Variants in FKBP5 observed in about 807,000 individuals in gnomAD.
The protein encoded by FKBP5 is peptidyl-prolyl cis-trans isomerase FKBP5.
In FKBP5, 23 loss-of-function variants were observed where a neutral mutation model predicts 50.5. The ratio of observed to expected loss-of-function variants is 0.46; its 90% CI spans 0.33 to 0.65. The LOEUF (loss-of-function observed/expected upper bound fraction) is 0.65. Among genes scored for constraint, FKBP5 ranks in the 30% least tolerant of loss-of-function variants. The pLI is 0.02. For missense variants in FKBP5, 411 were observed against 553.1 expected, an observed-to-expected ratio of 0.74 and a Z score of 2.58; for synonymous variants, 176 against 190.6, an observed-to-expected ratio of 0.92 and a Z score of 0.63.
intron 8 of FKBP5, chr6:35,581,618 A>AAAACC (rs1561842705): frequency 3.2e-6 from 3 of 935,880 alleles, no homozygotes; most frequent in Admixed American, 7.7e-5. Context: ...AAAACAAAAC[A>AAAACC]AAACCCCTCC....
At chr6:35,683,632 A>ATTTT (rs777451189) in intron 1 of FKBP5, among the ~76,000 whole-genome samples, 6 of 109,354 alleles carry the variant, frequency 5.5e-5, no homozygotes, top group Non-Finnish European at 9.4e-5. Flanking sequence ...TGACTGGCTA[A>ATTTT]TTTTTTTTTT....
chr6:35,638,734 G>A lies in FKBP5; in HGVS notation c.106-1576C>T, dbSNP rs1421409049. 2.0e-5 allele frequency among the ~76,000 whole-genome samples: 3 copies of A among 151,836 alleles called. No individual in the cohort carries two copies. The East Asian group carries it at 5.8e-4, about 29-fold the overall frequency. On this transcript the variant is annotated intron_variant, in intron 2 of 10. Coordinates refer to ENST00000357266, the MANE Select transcript of FKBP5 (RefSeq NM_004117.4). ...CACCCAGCCCCAAATATTCTTTAAAGGCAAAGAAACACTACTGCCCTTCTA... is the reference window on the plus strand; with the variant it reads ...CACCCAGCCCCAAATATTCTTTAAAAGCAAAGAAACACTACTGCCCTTCTA...
At chr6:35,670,662 G>C (rs1765360209) in intron 1 of FKBP5, among the ~76,000 whole-genome samples, 1 of 151,634 alleles carries the variant, frequency 6.6e-6, no homozygotes, top group South Asian at 2.1e-4. Flanking sequence ...AACCTGGGAG[G>C]CGGAGGTTGC....
intron 1 of FKBP5, among the ~76,000 whole-genome samples, chr6:35,663,381 T>C (rs1209549245): frequency 1.3e-5 from 2 of 152,300 alleles, no homozygotes; most frequent in East Asian, 3.9e-4. Flanking sequence ...CAAAGTAAAG[T>C]ACGTGAACAT....
intron 10 of FKBP5, among the ~76,000 whole-genome samples, chr6:35,576,499 C>CTATCT (rs1236210171): frequency 1.3e-5 from 2 of 152,210 alleles, no homozygotes; most frequent in South Asian, 4.1e-4. Context: ...AAGTGAAACC[C>CTATCT]TATCTTTACA....
intron 1 of FKBP5, among the ~76,000 whole-genome samples, chr6:35,667,868 G>A (rs1765274249): frequency 6.6e-6 from 1 of 152,204 alleles, no homozygotes. Flanking sequence ...AGGAGGCTGA[G>A]GCAGAAGAAT....
intron 1 of FKBP5, among the ~76,000 whole-genome samples, chr6:35,648,832 C>A (rs866367040): frequency 3.9e-5 from 6 of 152,050 alleles, no homozygotes; most frequent in Non-Finnish European, 7.4e-5. Context: ...ACCTGTAATT[C>A]CAGCTATTCA....
intron 2 of FKBP5, among the ~76,000 whole-genome samples, chr6:35,641,218 AG>A (rs2150988626): frequency 6.6e-6 from 1 of 152,276 alleles, no homozygotes; most frequent in East Asian, 1.9e-4. Flanking sequence ...CCTGGCCTCA[AG>A]TGATCCTCTT....
chr6:35,613,969 C>G (rs1453575751), intron 5 of FKBP5, among the ~76,000 whole-genome samples: 1 of 152,182 alleles, frequency 6.6e-6, no homozygotes, highest in African/African-American at 2.4e-5. Flanking sequence ...GATCACAACT[C>G]TCTGCAGCCT....
At chr6:35,646,479 C>T (rs1429053758) in intron 1 of FKBP5, among the ~76,000 whole-genome samples, 1 of 152,152 alleles carries the variant, frequency 6.6e-6, no homozygotes, top group East Asian at 1.9e-4. Context: ...CCAAGTATTT[C>T]CCCTTAATTC....
chr6:35,689,276 G>T (rs539095157), upstream of FKBP5, among the ~76,000 whole-genome samples: 70 of 152,098 alleles, frequency 4.6e-4, no homozygotes, highest in Non-Finnish European at 9.3e-4. Context: ...CTCTCTGAAG[G>T]CACTGCCCCT....
intron 1 of FKBP5, among the ~76,000 whole-genome samples, chr6:35,663,706 A>G (rs1765136477): frequency 6.6e-6 from 1 of 151,962 alleles, no homozygotes. Flanking sequence ...TGCATAGCTC[A>G]CTCCCTCACT....
chr6:35,691,072 T>C (rs968240569), upstream of FKBP5, among the ~76,000 whole-genome samples: 1 of 152,160 alleles, frequency 6.6e-6, no homozygotes, highest in African/African-American at 2.4e-5. Context: ...TTAAGCTCTA[T>C]GCTATCAGGG....
intron 1 of FKBP5, among the ~76,000 whole-genome samples, chr6:35,725,373 A>C (rs545075839): frequency 6.6e-6 from 1 of 152,184 alleles, no homozygotes; most frequent in Non-Finnish European, 1.5e-5. Context: ...GGGCTCAGGA[A>C]TATTGCTAAA....
intron 1 of FKBP5, among the ~76,000 whole-genome samples, chr6:35,724,643 T>C (rs1279294576): frequency 6.6e-6 from 1 of 152,014 alleles, no homozygotes; most frequent in Non-Finnish European, 1.5e-5. Flanking sequence ...CTTGGGACGT[T>C]TACTCAGGAG....
chr6:35,703,165 G>A (rs1766222155), intron 2 of FKBP5, among the ~76,000 whole-genome samples: 1 of 151,684 alleles, frequency 6.6e-6, no homozygotes, highest in Non-Finnish European at 1.5e-5. Flanking sequence ...CAGGAGAATT[G>A]CTTGAGACTG....
chr6:35,633,432 A>G (rs910740377), intron 3 of FKBP5, among the ~76,000 whole-genome samples: 1 of 151,440 alleles, frequency 6.6e-6, no homozygotes, highest in Non-Finnish European at 1.5e-5. Flanking sequence ...AGTCCCAGAT[A>G]CTGGGGAGGC....
chr6:35,612,990 C>T (rs1763535406), intron 5 of FKBP5, among the ~76,000 whole-genome samples: 1 of 152,124 alleles, frequency 6.6e-6, no homozygotes, highest in Non-Finnish European at 1.5e-5. Context: ...AGTAACTTGT[C>T]TAAAGTCATA....
At chr6:35,586,453 G>A in intron 8 of FKBP5, 1 of 986,306 alleles carries the variant, frequency 1.0e-6, no homozygotes, top group Non-Finnish European at 1.2e-6. Context: ...ATATGCTCTA[G>A]TGACTTCATC....
Sources: gnomAD v4.1 joint callset for allele counts (sites outside exome capture counted in the v4.1 genomes callset) on GRCh38, gnomAD v4.1.1 for gene constraint, MANE v1.5 for transcripts, NCBI Gene and HGNC (gene_info 2026-07-23, HGNC 2026-07-21) for gene names.